ACACB: variants seen among roughly 807,000 people sequenced by gnomAD.
ACACB encodes the protein acetyl-CoA carboxylase beta.
Under a neutral mutation model 278.8 loss-of-function variants are expected in ACACB, and 209 were observed. The observed-to-expected ratio is 0.75, with a 90% CI of 0.67 to 0.84. The LOEUF (loss-of-function observed/expected upper bound fraction) is 0.84, where lower values mean the gene tolerates loss of function less well. Ranked by LOEUF, ACACB falls within the 40% of genes least tolerant of loss-of-function variation. The pLI is 0.00. For synonymous variants in ACACB, 1,174 were observed against 1,285.6 expected (o/e 0.91, Z 1.86); for missense variants, 2,850 against 3,269.0 (o/e 0.87, Z 3.13).
At chr12:109,185,772 T>A in intron 12 of ACACB, 32 bp downstream of exon 12, 2 of 1,581,404 alleles carry the variant, frequency 1.3e-6, no homozygotes, top group Non-Finnish European at 8.6e-7. Context: ...GTTTCCACCA[T>A]CTCAGATCTC....
rs1271029461 is a variant in ACACB, at chr12:109,222,499, C to T, written c.3565-8C>T. ...AAAGCCATTTGGCTTCTTTTTCTGT[C>T]CCCTAAGGATGAGCTGTGTGGCCCA... On this transcript the variant is annotated splice_region_variant and splice_polypyrimidine_tract_variant and intron_variant, in intron 24 of 52. Transcript: ENST00000338432. 5.6e-6 allele frequency: 9 copies of T among 1,613,108 alleles called. No homozygotes were observed. The highest frequency in any genetic ancestry group is 3.3e-5 in the South Asian group (3 of 91,064).
In ACACB at chr12:109,252,089, T is replaced by C. The variant is rs747162842; in HGVS notation, c.5834T>C (p.Leu1945Pro). The C allele has an allele frequency of 1.1e-5, 17 of 1,613,590 alleles. No homozygotes were observed. Among genetic ancestry groups the C allele is most frequent in the Non-Finnish European group, 1.4e-5 (17 of 1,179,874 alleles). ...AIGIGAYLVR[L>P]GQRVIQVENS... ...GGGATTGGGGCCTACTTGGTGAGGC[T>C]GGGCCAGCGAGTGATCCAGGTGGAG... The change falls in exon 42 of 53, where the codon CTG (leucine) becomes CCG (proline). Residue 1945 changes from leucine (L) to proline (P), a missense_variant. This residue lies in a region of ACACB where 579 missense variants were observed against 684.6 expected (regional missense o/e 0.85). Transcript: ENST00000338432.
chr12:109,210,425 GTATATACACGCACATACATGTGTATATA>G (rs2045783169), intron 21 of ACACB, among the ~76,000 whole-genome samples: 1 of 136,942 alleles, frequency 7.3e-6, no homozygotes, highest in Non-Finnish European at 1.6e-5. Flanking sequence ...GTGTATATAT[GTATATACACGCACATACATGTGTATATA>G]TGTATATATA....
At chr12:109,223,726 C>A in intron 26 of ACACB, 89 bp from the exon 27 acceptor site, 1 of 1,209,852 alleles carries the variant, frequency 8.3e-7, no homozygotes, top group South Asian at 1.2e-5. Flanking sequence ...CACACCACTG[C>A]ACTCCAGTTT....
At chr12:109,257,959 C>T (rs2047272570) in intron 45 of ACACB, among the ~76,000 whole-genome samples, 1 of 152,210 alleles carries the variant, frequency 6.6e-6, no homozygotes, top group African/African-American at 2.4e-5. Context: ...CAGCCCACAG[C>T]TCCTGTATTG....
intron 1 of ACACB, chr12:109,125,634 A>G (rs1378476440): frequency 6.6e-6 from 1 of 152,196 alleles, no homozygotes; most frequent in Admixed American, 6.5e-5. Flanking sequence ...GGAGAGCACC[A>G]TAAATGGTAG....
chr12:109,114,703 T>A (rs544815760), upstream of ACACB, among the ~76,000 whole-genome samples: 5 of 151,894 alleles, frequency 3.3e-5, no homozygotes, highest in African/African-American at 9.6e-5. Context: ...TTTTTTTTTT[T>A]AATTAGCCAG....
intron 33 of ACACB, 150 bp from the exon 34 acceptor site, chr12:109,237,015 A>G (rs1651312410): frequency 6.6e-6 from 5 of 762,544 alleles, no homozygotes; most frequent in Non-Finnish European, 1.1e-5. Flanking sequence ...GTAGCTTACA[A>G]TTAGGGAACA....
chr12:109,227,537 T>C (rs1349449290), intron 28 of ACACB, 48 bp downstream of exon 28: 1 of 1,568,124 alleles, frequency 6.4e-7, no homozygotes, highest in Admixed American at 1.7e-5. Flanking sequence ...CTGTTCTTCC[T>C]GACCTCTGTC....
At chr12:109,265,340 T>C (rs2136872099) in intron 51 of ACACB, 49 bp from the exon 52 acceptor site, 1 of 1,610,824 alleles carries the variant, frequency 6.2e-7, no homozygotes, top group Non-Finnish European at 8.5e-7. Flanking sequence ...CTGAGACAGC[T>C]GGCCCACAGC....
chr12:109,233,317 G>C (rs916684613), intron 29 of ACACB, among the ~76,000 whole-genome samples: 1 of 152,158 alleles, frequency 6.6e-6, no homozygotes, highest in African/African-American at 2.4e-5. Flanking sequence ...GCCTTTCACT[G>C]TGTGTTCTGC....
At chr12:109,191,987 AT>A (rs1565905421) in intron 15 of ACACB, 37 bp downstream of exon 15, 11 of 1,604,470 alleles carry the variant, frequency 6.9e-6, no homozygotes, top group African/African-American at 1.3e-5. Context: ...CTTTTGTGAT[AT>A]GTGTTAGCGG....
intron 2 of ACACB, among the ~76,000 whole-genome samples, chr12:109,151,694 T>C (rs1263171824): frequency 6.6e-6 from 1 of 152,212 alleles, no homozygotes; most frequent in Non-Finnish European, 1.5e-5. Context: ...GTATTGTTCA[T>C]TGACCTGGGT....
chr12:109,265,638 T>G, intron 52 of ACACB, 113 bp downstream of exon 52: 1 of 1,371,870 alleles, frequency 7.3e-7, no homozygotes, highest in Middle Eastern at 2.5e-4. Flanking sequence ...CTGTGCAGTC[T>G]GGGGTTGTCC....
intron 29 of ACACB, among the ~76,000 whole-genome samples, chr12:109,233,075 A>T (rs1000215706): frequency 6.6e-6 from 1 of 152,166 alleles, no homozygotes; most frequent in Non-Finnish European, 1.5e-5. Context: ...CCTGGTTTGA[A>T]TTCTGGCTAT....
intron 1 of ACACB, among the ~76,000 whole-genome samples, chr12:109,127,433 AC>A (rs398021016): frequency 6.6e-6 from 1 of 150,390 alleles, no homozygotes; most frequent in Non-Finnish European, 1.5e-5. Flanking sequence ...AAAAAAAAAA[AC>A]CCAAAAAACC....
At chr12:109,250,642 T>TGTA (rs1009166516) in intron 41 of ACACB, among the ~76,000 whole-genome samples, 1 of 151,744 alleles carries the variant, frequency 6.6e-6, no homozygotes, top group Non-Finnish European at 1.5e-5. Context: ...GTAGTACTAC[T>TGTA]GTAGTAGTAG....
At chr12:109,266,182 G>T in intron 52 of ACACB, 54 bp from the exon 53 acceptor site, 2 of 1,584,788 alleles carry the variant, frequency 1.3e-6, no homozygotes, top group Non-Finnish European at 8.6e-7. Context: ...CACCCTTGGG[G>T]CCACTGAAAA....
In ACACB at chr12:109,267,864, A is replaced by G. The variant is rs1375221333; in HGVS notation, c.*1502A>G. The G allele has an allele frequency of 6.6e-6, 1 of 152,254 alleles. No homozygotes were observed. Among genetic ancestry groups the G allele is most frequent in the Non-Finnish European group, 1.5e-5 (1 of 68,068 alleles). The allele number at this position is 152,254 out of a possible 1,614,324, so 9.4% of individuals were successfully genotyped here. On this transcript the variant is annotated 3_prime_UTR_variant, in exon 53 of 53. Transcript: ENST00000338432. Reference sequence around the variant, plus strand: ...TGGGTGGTTTGTCCAAGGATGCTGAATGTAATGCCTGGTCAATGTGGAAGC... The same window carrying G: ...TGGGTGGTTTGTCCAAGGATGCTGAGTGTAATGCCTGGTCAATGTGGAAGC...
Sources: allele counts gnomAD v4.1 joint callset (sites outside exome capture counted in the v4.1 genomes callset), GRCh38; gene constraint gnomAD v4.1.1; regional missense constraint gnomAD v4.1.1; transcripts MANE v1.5; gene names NCBI Gene and HGNC (gene_info 2026-07-23, HGNC 2026-07-21).